NMNAT3: variants seen among roughly 807,000 people sequenced by gnomAD.
NMNAT3 encodes the protein nicotinamide nucleotide adenylyltransferase 3.
A neutral mutation model predicts 24.8 loss-of-function variants in NMNAT3; 21 were observed. The ratio of observed to expected loss-of-function variants is 0.85; its 90% confidence interval spans 0.60 to 1.22. The LOEUF is 1.22. Ranked by LOEUF, NMNAT3 falls within the 50% of genes most tolerant of loss-of-function variation. NMNAT3 has a pLI of 0.00. For missense variants in NMNAT3, 387 were observed against 436.6 expected, an observed-to-expected ratio of 0.89 and a Z score of 1.01; for synonymous variants, 136 against 155.2, an observed-to-expected ratio of 0.88 and a Z score of 0.92.
At chr3:139,568,527 T>G (rs1937570987) in intron 6 of NMNAT3, 1 of 152,238 alleles carries the variant, frequency 6.6e-6, no homozygotes, top group Admixed American at 6.5e-5. Context: ...GTCCCAGAGA[T>G]TCTGGTATGT....
intron 6 of NMNAT3, chr3:139,567,407 G>A (rs1174001671): frequency 6.6e-6 from 1 of 152,202 alleles, no homozygotes; most frequent in African/African-American, 2.4e-5. Context: ...TTGAATAGGA[G>A]TGGTGAGAGA....
intron 1 of NMNAT3, among the ~76,000 whole-genome samples, chr3:139,656,304 A>G (rs1039677593): frequency 2.0e-5 from 3 of 152,184 alleles, no homozygotes; most frequent in Non-Finnish European, 4.4e-5. Flanking sequence ...TGTAAATGAG[A>G]TCACAACCAT....
chr3:139,597,866 TC>T (rs1185444097), intron 3 of NMNAT3, among the ~76,000 whole-genome samples: 1 of 152,172 alleles, frequency 6.6e-6, no homozygotes. Context: ...GGCAGCCACT[TC>T]CTCTGCTAAC....
At position 139,561,128 on chromosome 3, in the gene NMNAT3, C is replaced by G. The variant is rs753772366; in HGVS notation, c.923G>C (p.Ser308Thr). Residue 308 changes from serine (S) to threonine (T), a missense_variant, in exon 7 of 7, where the codon AGC becomes ACC. By Grantham distance (58) the Ser-to-Thr change is moderately conservative (BLOSUM62 1). Around this residue, in one of 3 missense-constraint regions of NMNAT3, gnomAD observed 323 missense variants for 345.2 expected, o/e 0.94. Transcript: ENST00000643695. ...AGCATCGGGAATCAGGTACTTTACG[C>G]TCTGCCCTTGGCCCAAGGCTCGCCT... 2 of 1,614,134 alleles carry G rather than the reference C, an allele frequency of 1.2e-6. No individual in the cohort carries two copies. Among genetic ancestry groups the G allele is most frequent in the Non-Finnish European group, 1.7e-6 (2 of 1,180,032 alleles).
intron 1 of NMNAT3, among the ~76,000 whole-genome samples, chr3:139,640,785 T>G (rs552413477): frequency 1.3e-5 from 2 of 152,324 alleles, no homozygotes; most frequent in East Asian, 3.9e-4. Context: ...CTCCTAGAAA[T>G]TATAAGCCAA....
chr3:139,636,244 C>T (rs1197039001), intron 2 of NMNAT3: 1 of 151,688 alleles, frequency 6.6e-6, no homozygotes, highest in Non-Finnish European at 1.5e-5. Context: ...AGTATGTAAA[C>T]TTTTAGAAGT....
chr3:139,639,477 G>T (rs867554411), intron 1 of NMNAT3, among the ~76,000 whole-genome samples: 1 of 152,206 alleles, frequency 6.6e-6, no homozygotes, highest in African/African-American at 2.4e-5. Context: ...TTACTGTCCA[G>T]TATAATGAAG....
rs145750339 is a variant in NMNAT3 at position 139,669,455 on chromosome 3, C to T, written c.-141+8250G>A. Reference sequence around the variant, plus strand: ...TCATGCCACTGCATTCCAGCCTGGGCAACAGAGTGAGACCCTGTCTCAGAA... The same window carrying T: ...TCATGCCACTGCATTCCAGCCTGGGTAACAGAGTGAGACCCTGTCTCAGAA... On this transcript the variant is annotated intron_variant, in intron 1 of 6. Transcript: ENST00000643695. Among the ~76,000 whole-genome samples, 56 of 112,022 alleles carry T rather than the reference C, an allele frequency of 5.0e-4. 1 individual carries two copies. In the East Asian group the frequency reaches 0.015, roughly 31 times the overall value. The allele number at this position is 112,022 out of a possible 152,430, so 73.5% of individuals were successfully genotyped here.
chr3:139,624,337 A>G (rs187429701), intron 3 of NMNAT3, among the ~76,000 whole-genome samples: 40 of 151,952 alleles, frequency 2.6e-4, no homozygotes, highest in Non-Finnish European at 1.0e-4. Context: ...ATGTTATTTT[A>G]TTTCCATATT....
At chr3:139,596,252 C>T (rs1157828281) in intron 3 of NMNAT3, among the ~76,000 whole-genome samples, 1 of 152,144 alleles carries the variant, frequency 6.6e-6, no homozygotes, top group African/African-American at 2.4e-5. Context: ...ATAAAGGCAA[C>T]ATTTAGGCCT....
intron 3 of NMNAT3, among the ~76,000 whole-genome samples, chr3:139,590,113 GAACA>G (rs1308320163): frequency 6.6e-6 from 1 of 152,158 alleles, no homozygotes; most frequent in Non-Finnish European, 1.5e-5. Flanking sequence ...ACACAAAACG[GAACA>G]GACAGATCAT....
chr3:139,632,238 C>T (rs1312092876), intron 2 of NMNAT3, among the ~76,000 whole-genome samples: 1 of 152,130 alleles, frequency 6.6e-6, no homozygotes, highest in East Asian at 1.9e-4. Context: ...TGGAATGAGC[C>T]TTCCAGAGAT....
chr3:139,577,020 G>T (rs1199575721), intron 5 of NMNAT3, among the ~76,000 whole-genome samples: 2 of 151,992 alleles, frequency 1.3e-5, no homozygotes, highest in Non-Finnish European at 2.9e-5. Flanking sequence ...TCATGCCACT[G>T]CACTCCAGCC....
At chr3:139,614,131 T>TATA (rs1232645160) in intron 3 of NMNAT3, among the ~76,000 whole-genome samples, 159 of 151,712 alleles carry the variant, frequency 1.0e-3, no homozygotes, top group African/African-American at 3.7e-3. Flanking sequence ...AATCTTAAAG[T>TATA]ATAATAATAA....
chr3:139,573,178 A>G (rs543005329), intron 6 of NMNAT3, among the ~76,000 whole-genome samples: 12 of 152,340 alleles, frequency 7.9e-5, no homozygotes, highest in African/African-American at 2.9e-4. Context: ...CTTTTGAGTG[A>G]ACCATTGAGT....
intron 1 of NMNAT3, among the ~76,000 whole-genome samples, chr3:139,670,730 G>A (rs551685936): frequency 6.6e-6 from 1 of 152,310 alleles, no homozygotes; most frequent in East Asian, 1.9e-4. Context: ...ATGATACAGG[G>A]CTACCCTAGG....
intron 5 of NMNAT3, among the ~76,000 whole-genome samples, chr3:139,573,975 A>G (rs1938881151): frequency 6.6e-6 from 1 of 152,136 alleles, no homozygotes. Context: ...TATTTCTCAA[A>G]AAAAAAAGGA....
intron 3 of NMNAT3, among the ~76,000 whole-genome samples, chr3:139,589,146 G>A (rs1307165065): frequency 6.6e-6 from 1 of 152,176 alleles, no homozygotes; most frequent in Non-Finnish European, 1.5e-5. Context: ...ATTGTATGCA[G>A]GATTTGCAGG....
In NMNAT3 at chr3:139,604,136, A is replaced by T. The variant is rs191644294; in HGVS notation, c.110-20928T>A. On this transcript the variant is annotated intron_variant, in intron 3 of 6. Coordinates refer to ENST00000643695, the MANE Select transcript of NMNAT3 (RefSeq NM_001320510.2). ...TCACACACGACTGCATGTCAGCTAA[A>T]CTCATTGGAAGATTCATTTCTGCCT... Among the ~76,000 whole-genome samples the T allele has an allele frequency of 3.9e-5, 6 of 152,270 alleles. No individual in the cohort carries two copies. The East Asian group carries it at 1.2e-3, about 29-fold the overall frequency.
Sources: gnomAD v4.1 joint callset for allele counts (sites outside exome capture counted in the v4.1 genomes callset) on GRCh38, gnomAD v4.1.1 for gene constraint, gnomAD v4.1.1 regional missense constraint, MANE v1.5 for transcripts, NCBI Gene and HGNC (gene_info 2026-07-23, HGNC 2026-07-21) for gene names.